Variants in FHIT observed in about 807,000 individuals in gnomAD.
FHIT encodes the protein bis(5'-adenosyl)-triphosphatase.
FHIT carries 19 observed loss-of-function variants against 17.9 expected under a neutral mutation model. The observed-to-expected ratio is 1.06, with a 90% CI of 0.74 to 1.56. The LOEUF (loss-of-function observed/expected upper bound fraction) is 1.56. FHIT is among the 40% of genes most tolerant of loss of function. FHIT has a pLI of 0.00. For synonymous variants in FHIT, 81 were observed against 69.7 expected (o/e 1.16, Z -0.81); for missense variants, 248 against 189.2 (o/e 1.31, Z -1.82).
intron 4 of FHIT, among the ~76,000 whole-genome samples, chr3:60,613,904 T>A (rs562463608): frequency 6.6e-6 from 1 of 151,888 alleles, no homozygotes; most frequent in South Asian, 2.1e-4. Flanking sequence ...AAGAAATCAA[T>A]GAAGTAGGAA....
chr3:60,080,302 G>A (rs140194323), intron 5 of FHIT, among the ~76,000 whole-genome samples: 1 of 152,030 alleles, frequency 6.6e-6, no homozygotes. Context: ...TATGGGGGTG[G>A]GAGAACCTCT....
At chr3:60,511,454 T>C (rs1339371445) in intron 5 of FHIT, among the ~76,000 whole-genome samples, 1 of 152,108 alleles carries the variant, frequency 6.6e-6, no homozygotes, top group East Asian at 1.9e-4. Context: ...ACTCAGACCA[T>C]TTATCTTTAA....
At position 60,744,246 on chromosome 3, in the gene FHIT, TAAAAAA is replaced by T. The variant is rs368982395; in HGVS notation, c.-18+77667_-18+77672del. Among the ~76,000 whole-genome samples the T allele has an allele frequency of 1.6e-3, 50 of 30,940 alleles. 1 individual carries two copies. The highest frequency in any genetic ancestry group is 2.4e-3 in the Non-Finnish European group (46 of 18,932). 20.3% of individuals were successfully genotyped at this position (30,940 alleles called of 152,430 possible). A position where few individuals can be genotyped will look rare whatever the true frequency, so the allele number is the denominator to read the frequency against. On this transcript the variant is annotated intron_variant, in intron 4 of 9. Transcript: ENST00000492590. ...TCTCCTTTGCAAATTGGAAGTAATG[TAAAAAA>T]AAAAACAAAACAAAACAAAAAAAAA...
At chr3:61,044,633 G>A (rs902306319) in intron 2 of FHIT, among the ~76,000 whole-genome samples, 4 of 151,980 alleles carry the variant, frequency 2.6e-5, no homozygotes, top group Non-Finnish European at 5.9e-5. Flanking sequence ...ATACAGAGAC[G>A]CCACAAAGAT....
At chr3:60,540,428 G>A (rs548017436) in intron 4 of FHIT, among the ~76,000 whole-genome samples, 24 of 152,308 alleles carry the variant, frequency 1.6e-4, no homozygotes, top group Non-Finnish European at 3.2e-4. Context: ...TGCAACTGGT[G>A]TCTGAAAGTC....
At chr3:60,639,892 T>C (rs1284689462) in intron 4 of FHIT, among the ~76,000 whole-genome samples, 2 of 152,166 alleles carry the variant, frequency 1.3e-5, no homozygotes, top group Non-Finnish European at 2.9e-5. Flanking sequence ...AAACAACCCC[T>C]ATGTGAACCA....
At chr3:60,347,368 TTGTC>T (rs1311907178) in intron 5 of FHIT, among the ~76,000 whole-genome samples, 1 of 152,284 alleles carries the variant, frequency 6.6e-6, no homozygotes, top group East Asian at 1.9e-4. Context: ...AGACAGTAAG[TTGTC>T]TGCAAATAAA....
At chr3:60,352,518 A>G (rs893754477) in intron 5 of FHIT, among the ~76,000 whole-genome samples, 1 of 151,810 alleles carries the variant, frequency 6.6e-6, no homozygotes, top group African/African-American at 2.4e-5. Context: ...ATTTTTTTTT[A>G]AGAGATGGAG....
intron 8 of FHIT, among the ~76,000 whole-genome samples, chr3:59,887,609 G>A (rs1220704961): frequency 6.6e-6 from 1 of 152,162 alleles, no homozygotes; most frequent in Non-Finnish European, 1.5e-5. Context: ...GGCAGTAAAA[G>A]TACCACGTGT....
At chr3:59,847,899 C>T (rs1575584444) in intron 8 of FHIT, among the ~76,000 whole-genome samples, 1 of 152,154 alleles carries the variant, frequency 6.6e-6, no homozygotes, top group African/African-American at 2.4e-5. Flanking sequence ...TTTGAATGTC[C>T]TAGTTTTCAA....
rs112802021 is a variant in FHIT, at chr3:60,258,847, T to G, written c.104-244695A>C. 1.4e-3 allele frequency among the ~76,000 whole-genome samples: 212 copies of G among 152,232 alleles called. 3 individuals are homozygous for G. The highest frequency in any genetic ancestry group is 3.9e-3 in the African/African-American group (164 of 41,558). ...AAGCTGGGAGGGACTTTGGAAGGCC[T>G]GTTTGCTAAATCTTCTTTGTGTCCC... On this transcript the variant is annotated intron_variant, in intron 5 of 9. Transcript: ENST00000492590.
intron 5 of FHIT, among the ~76,000 whole-genome samples, chr3:60,248,576 T>C (rs1705523375): frequency 6.6e-6 from 1 of 152,124 alleles, no homozygotes; most frequent in East Asian, 1.9e-4. Flanking sequence ...TTTTAAAATC[T>C]TCATTTGAAG....
At chr3:60,786,001 A>G (rs1700563416) in intron 4 of FHIT, among the ~76,000 whole-genome samples, 1 of 152,034 alleles carries the variant, frequency 6.6e-6, no homozygotes, top group African/African-American at 2.4e-5. Context: ...GAAGAATCCA[A>G]TGTCTGCATG....
chr3:60,433,011 C>G (rs369713747), intron 5 of FHIT, among the ~76,000 whole-genome samples: 1 of 151,734 alleles, frequency 6.6e-6, no homozygotes, highest in Non-Finnish European at 1.5e-5. Context: ...ACACATTACA[C>G]AGATCATCTC....
chr3:59,912,515 A>C (rs1173694209), intron 8 of FHIT, among the ~76,000 whole-genome samples: 2 of 152,080 alleles, frequency 1.3e-5, no homozygotes, highest in Admixed American at 6.6e-5. Context: ...GAGCTTACTA[A>C]GAGAAACAAT....
chr3:61,107,962 C>T (rs899589932), intron 2 of FHIT, among the ~76,000 whole-genome samples: 11 of 152,274 alleles, frequency 7.2e-5, no homozygotes, highest in Admixed American at 2.0e-4. Flanking sequence ...TTTATACCTC[C>T]GCTTGTTATA....
intron 3 of FHIT, among the ~76,000 whole-genome samples, chr3:60,884,186 T>C (rs905652292): frequency 9.2e-5 from 14 of 152,110 alleles, no homozygotes; most frequent in Admixed American, 5.2e-4. Context: ...ACAGTTATAA[T>C]GGCTACTATG....
At position 59,902,247 on chromosome 3, in the gene FHIT, G is replaced by A. The variant is rs534276158; in HGVS notation, c.348+20099C>T. Among the ~76,000 whole-genome samples the A allele has an allele frequency of 3.3e-5, 5 of 152,260 alleles. No individual in the cohort carries two copies. The South Asian group carries it at 1.0e-3, about 32-fold the overall frequency. On this transcript the variant is annotated intron_variant, in intron 8 of 9. Coordinates refer to ENST00000492590, the MANE Select transcript of FHIT (RefSeq NM_002012.4). ...GGGAAATGGAAATAAAAACCACAGT[G>A]AGGTATCATCTCACACGTGTTAGGA...
intron 5 of FHIT, among the ~76,000 whole-genome samples, chr3:60,335,710 A>C (rs147809502): frequency 2.0e-5 from 3 of 152,170 alleles, no homozygotes; most frequent in Admixed American, 2.0e-4. Context: ...TTGTTTTTAT[A>C]TTGACCACAT....
Sources: gnomAD v4.1 joint callset for allele counts (sites outside exome capture counted in the v4.1 genomes callset) on GRCh38, gnomAD v4.1.1 for gene constraint, MANE v1.5 for transcripts, NCBI Gene and HGNC (gene_info 2026-07-23, HGNC 2026-07-21) for gene names.